The following PDE8A variants were observed in gnomAD, a reference collection of about 807,000 sequenced individuals.
PDE8A encodes the protein phosphodiesterase 8A.
A neutral mutation model predicts 105.0 loss-of-function variants in PDE8A; 59 were observed. The ratio of observed to expected loss-of-function variants is 0.56; its 90% confidence interval spans 0.46 to 0.70. PDE8A has a LOEUF of 0.70. Among genes scored for constraint, PDE8A ranks in the 30% least tolerant of loss-of-function variants. The pLI is 0.00. For synonymous variants in PDE8A, 355 were observed against 371.9 expected (o/e 0.95, Z 0.52); for missense variants, 1,014 against 1,045.9 (o/e 0.97, Z 0.42).
chr15:85,114,067 G>C, intron 14 of PDE8A, 30 bp downstream of exon 14: 2 of 1,587,564 alleles, frequency 1.3e-6, no homozygotes, highest in Non-Finnish European at 1.7e-6. Context: ...CTCTTGGCTA[G>C]AGCCTGTCTG....
intron 1 of PDE8A, among the ~76,000 whole-genome samples, chr15:85,055,258 A>G (rs950790345): frequency 6.6e-6 from 1 of 152,110 alleles, no homozygotes; most frequent in Non-Finnish European, 1.5e-5. Flanking sequence ...AATAAGTGTG[A>G]TGTGGTGGTG....
chr15:85,055,381 T>C (rs1255455770), intron 1 of PDE8A, among the ~76,000 whole-genome samples: 2 of 152,098 alleles, frequency 1.3e-5, no homozygotes, highest in Non-Finnish European at 2.9e-5. Context: ...CTTTCTGTCT[T>C]GTTGATCTGT....
chr15:85,136,392 G>T, intron 20 of PDE8A, 142 bp from the exon 21 acceptor site: 1 of 746,942 alleles, frequency 1.3e-6, no homozygotes, highest in Non-Finnish European at 2.2e-6. Flanking sequence ...GACATGGTTT[G>T]GCTGCGTGAG....
intron 20 of PDE8A, among the ~76,000 whole-genome samples, chr15:85,134,604 C>T (rs2082377829): frequency 6.6e-6 from 1 of 152,176 alleles, no homozygotes; most frequent in Non-Finnish European, 1.5e-5. Context: ...AGGAACTCTT[C>T]TGACTTTTGC....
At chr15:84,998,217 G>T (rs1323098143) in intron 1 of PDE8A, among the ~76,000 whole-genome samples, 1 of 152,188 alleles carries the variant, frequency 6.6e-6, no homozygotes, top group East Asian at 1.9e-4. Flanking sequence ...TTGTGAGACA[G>T]GTGCAAGATC....
At chr15:85,089,584 C>T (rs1365644827) in intron 7 of PDE8A, among the ~76,000 whole-genome samples, 168 bp downstream of exon 7, 3 of 151,972 alleles carry the variant, frequency 2.0e-5, no homozygotes, top group African/African-American at 7.3e-5. Context: ...TTAAAATAAG[C>T]TCTCTATAGA....
At chr15:85,116,225 G>A (rs1169630416) in intron 16 of PDE8A, 106 bp downstream of exon 16, 3 of 1,202,874 alleles carry the variant, frequency 2.5e-6, no homozygotes, top group African/African-American at 1.5e-5. Flanking sequence ...ACCTGGTCAG[G>A]GTGGGGCCCT....
intron 20 of PDE8A, among the ~76,000 whole-genome samples, chr15:85,133,792 C>T (rs1299445602): frequency 1.3e-5 from 2 of 152,196 alleles, no homozygotes; most frequent in African/African-American, 2.4e-5. Flanking sequence ...GCCACCCTGT[C>T]TCTTGAATAG....
chr15:85,092,681 C>T (rs2081665888), intron 8 of PDE8A, among the ~76,000 whole-genome samples: 1 of 152,066 alleles, frequency 6.6e-6, no homozygotes, highest in African/African-American at 2.4e-5. Context: ...TCCACTGAGG[C>T]ATTCCATGTC....
intron 1 of PDE8A, among the ~76,000 whole-genome samples, chr15:85,053,400 G>A (rs2081007284): frequency 6.6e-6 from 1 of 152,126 alleles, no homozygotes; most frequent in Non-Finnish European, 1.5e-5. Flanking sequence ...TAATCTATAA[G>A]TTGCCTTGGG....
At chr15:85,066,273 G>A (rs537015720) in intron 2 of PDE8A, among the ~76,000 whole-genome samples, 1 of 152,114 alleles carries the variant, frequency 6.6e-6, no homozygotes, top group South Asian at 2.1e-4. Context: ...AAAAAAGTAG[G>A]CATATGGCCA....
intron 20 of PDE8A, among the ~76,000 whole-genome samples, chr15:85,128,011 T>A (rs1306988939): frequency 4.0e-5 from 6 of 150,192 alleles, no homozygotes; most frequent in Non-Finnish European, 7.4e-5. Context: ...AATGTGAAAT[T>A]TTTGCAGTAA....
intron 11 of PDE8A, among the ~76,000 whole-genome samples, chr15:85,108,498 A>T (rs767654889): frequency 6.6e-6 from 1 of 152,140 alleles, no homozygotes; most frequent in African/African-American, 2.4e-5. Flanking sequence ...GAAGAGTCAA[A>T]GACAGTCCCC....
intron 1 of PDE8A, among the ~76,000 whole-genome samples, chr15:85,023,922 C>T (rs1401975167): frequency 1.3e-5 from 2 of 152,072 alleles, no homozygotes; most frequent in African/African-American, 4.8e-5. Flanking sequence ...GCCAAGGGAT[C>T]AGGGATGGTT....
At chr15:85,099,257 AG>A (rs1452658422) in intron 9 of PDE8A, among the ~76,000 whole-genome samples, 2 of 152,162 alleles carry the variant, frequency 1.3e-5, no homozygotes, top group African/African-American at 4.8e-5. Flanking sequence ...AGGCTTAGAG[AG>A]GTCAGGTTTC....
chr15:85,009,104 AGAGAGAGTGTGTGTGTGTGTGTGT>A (rs2080197948), intron 1 of PDE8A, among the ~76,000 whole-genome samples: 1 of 142,386 alleles, frequency 7.0e-6, no homozygotes, highest in Non-Finnish European at 1.5e-5. Context: ...AGAGAGAGAG[AGAGAGAGTGTGTGTGTGTGTGTGT>A]GTGTGTGTGT....
intron 3 of PDE8A, among the ~76,000 whole-genome samples, chr15:85,069,921 G>A (rs2081287031): frequency 6.6e-6 from 1 of 152,138 alleles, no homozygotes; most frequent in South Asian, 2.1e-4. Flanking sequence ...AGCAGACCCT[G>A]ATTTATTTTC....
At chr15:85,095,284 C>T (rs944314925) in intron 8 of PDE8A, among the ~76,000 whole-genome samples, 14 of 152,092 alleles carry the variant, frequency 9.2e-5, no homozygotes, top group African/African-American at 2.4e-5. Flanking sequence ...AATTACCCAA[C>T]CTAATCTTCA....
In PDE8A at chr15:85,113,977, A is replaced by G; in HGVS notation, c.1290A>G (p.Pro430=). ...TAAGAACCACTGAGTTATATTCACCACAGTTTGGTGCTAAAGATGATGATC... is the reference window on the plus strand; with the variant it reads ...TAAGAACCACTGAGTTATATTCACCGCAGTTTGGTGCTAAAGATGATGATC... ...EILRTTELYS[P]QFGAKDDDPH... The change falls in exon 14 of 22, where the codon CCA becomes CCG. Residue 430 remains proline, a synonymous_variant. Transcript: ENST00000394553. 1.2e-6 allele frequency: 2 copies of G among 1,613,708 alleles called. No individual in the cohort carries two copies. Among genetic ancestry groups the G allele is most frequent in the Non-Finnish European group, 1.7e-6 (2 of 1,179,546 alleles).
Sources: allele counts gnomAD v4.1 joint callset (sites outside exome capture counted in the v4.1 genomes callset), GRCh38; gene constraint gnomAD v4.1.1; transcripts MANE v1.5; gene names NCBI Gene and HGNC (gene_info 2026-07-23, HGNC 2026-07-21).